The following ANKS1B variants were observed in gnomAD, a reference collection of about 807,000 sequenced individuals.
ANKS1B encodes the protein ankyrin repeat and sterile alpha motif domain-containing protein 1B.
In ANKS1B, 36 loss-of-function variants were observed where a neutral mutation model predicts 148.3. The ratio of observed to expected loss-of-function variants is 0.24; its 90% CI spans 0.19 to 0.32. The LOEUF (loss-of-function observed/expected upper bound fraction) is 0.32, where lower values mean the gene tolerates loss of function less well. Among genes scored for constraint, ANKS1B ranks in the 10% least tolerant of loss-of-function variants. ANKS1B has a pLI of 1.00. For missense variants in ANKS1B, 1,157 were observed against 1,542.6 expected (o/e 0.75, Z 4.19); for synonymous variants, 542 against 560.8 (o/e 0.97, Z 0.47).
intron 12 of ANKS1B, among the ~76,000 whole-genome samples, chr12:99,308,588 T>C (rs1243705320): frequency 6.6e-6 from 1 of 151,964 alleles, no homozygotes; most frequent in Admixed American, 6.6e-5. Context: ...TCCCATATTT[T>C]CAAGCTAATT....
intron 1 of ANKS1B, among the ~76,000 whole-genome samples, chr12:99,896,308 C>T (rs541679303): frequency 1.2e-4 from 18 of 151,238 alleles, no homozygotes; most frequent in African/African-American, 2.7e-4. Flanking sequence ...AGTTTCATTT[C>T]GTTTTGTTTT....
rs557549658 is a variant in ANKS1B, at chr12:99,609,846, A to G, written c.1272+45221T>C. Among the ~76,000 whole-genome samples the G allele has an allele frequency of 3.3e-5, 5 of 152,286 alleles. No individual in the cohort carries two copies. The East Asian group carries it at 9.7e-4, about 29-fold the overall frequency. Reference sequence around the variant, plus strand: ...TTTTCTCCTGCTAACCTGAATTTGGAAAGGAACAAATACAGATAAAATTTT... The same window carrying G: ...TTTTCTCCTGCTAACCTGAATTTGGGAAGGAACAAATACAGATAAAATTTT... On this transcript the variant is annotated intron_variant, in intron 9 of 26. Transcript: ENST00000683438.
chr12:99,773,045 T>C lies in ANKS1B; in HGVS notation c.1005A>G (p.Ile335Met). The C allele has an allele frequency of 6.2e-7, 1 of 1,610,814 alleles. No homozygotes were observed. Among genetic ancestry groups the C allele is most frequent in the South Asian group, 1.1e-5 (1 of 90,622 alleles). Residue 335 changes from isoleucine to methionine, a missense_variant, in exon 8 of 27, where the codon ATA becomes ATG. Coordinates refer to ENST00000683438, the MANE Select transcript of ANKS1B (RefSeq NM_001352186.2). ...AATAATCCTTTTCTTGACAGAGTTT[T>C]ATTTCATCCAAGAGTTTTGATAATT... ...TGELSKLLDEIKLCQEKDYSF... is the reference protein window; with the variant it reads ...TGELSKLLDEMKLCQEKDYSF...
At chr12:99,553,332 T>C (rs1000938872) in intron 9 of ANKS1B, among the ~76,000 whole-genome samples, 7 of 152,226 alleles carry the variant, frequency 4.6e-5, no homozygotes, top group Admixed American at 3.3e-4. Flanking sequence ...TGAAAGTTGA[T>C]ATTATTCAAT....
At chr12:98,782,970 G>A (rs913119832) in intron 22 of ANKS1B, among the ~76,000 whole-genome samples, 4 of 151,130 alleles carry the variant, frequency 2.6e-5, no homozygotes, top group African/African-American at 7.4e-5. Context: ...TTAAGGCAAC[G>A]CGGTGGCTGA....
intron 8 of ANKS1B, among the ~76,000 whole-genome samples, chr12:99,764,858 G>T (rs930051654): frequency 6.6e-6 from 1 of 152,192 alleles, no homozygotes; most frequent in Non-Finnish European, 1.5e-5. Flanking sequence ...TTGCAGTGAG[G>T]ACCAGGGCTA....
chr12:99,582,610 T>C (rs2097581635), intron 9 of ANKS1B, among the ~76,000 whole-genome samples: 1 of 152,156 alleles, frequency 6.6e-6, no homozygotes, highest in African/African-American at 2.4e-5. Context: ...CTGGTTCTAT[T>C]AGTATGTAAA....
intron 24 of ANKS1B, among the ~76,000 whole-genome samples, chr12:98,778,350 C>T (rs892391692): frequency 2.0e-5 from 3 of 152,144 alleles, no homozygotes; most frequent in African/African-American, 4.8e-5. Context: ...GTGGCACACA[C>T]CTGTAATCCC....
chr12:98,756,709 G>C (rs954442463), intron 25 of ANKS1B, among the ~76,000 whole-genome samples: 27 of 150,998 alleles, frequency 1.8e-4, no homozygotes, highest in Non-Finnish European at 3.1e-4. Context: ...CTGGGTGACA[G>C]AGCGAGACTC....
At chr12:99,283,120 TCA>T (rs1306573382) in intron 12 of ANKS1B, among the ~76,000 whole-genome samples, 5 of 152,190 alleles carry the variant, frequency 3.3e-5, no homozygotes, top group African/African-American at 1.2e-4. Flanking sequence ...TCTCCAGGTT[TCA>T]GTTTCCATAA....
chr12:99,338,395 C>T (rs1031087558), intron 12 of ANKS1B, among the ~76,000 whole-genome samples: 15 of 152,092 alleles, frequency 9.9e-5, no homozygotes, highest in African/African-American at 3.6e-4. Flanking sequence ...GTGAATGCTG[C>T]CAGGCCTGAG....
At chr12:99,048,393 C>T (rs986806309) in intron 17 of ANKS1B, among the ~76,000 whole-genome samples, 1 of 152,024 alleles carries the variant, frequency 6.6e-6, no homozygotes, top group Non-Finnish European at 1.5e-5. Context: ...GCCAAAATGC[C>T]TTGTTTATTG....
intron 12 of ANKS1B, among the ~76,000 whole-genome samples, chr12:99,265,445 A>T (rs2076355950): frequency 6.6e-6 from 1 of 152,120 alleles, no homozygotes; most frequent in Admixed American, 6.5e-5. Context: ...CCTGCTCTAG[A>T]ACATCTTGGG....
chr12:99,700,336 C>A (rs2054604346), intron 8 of ANKS1B, among the ~76,000 whole-genome samples: 1 of 152,140 alleles, frequency 6.6e-6, no homozygotes, highest in South Asian at 2.1e-4. Flanking sequence ...AGTTCCAAGA[C>A]CCCCAGTGAA....
chr12:99,074,300 A>T (rs957183733), intron 16 of ANKS1B, among the ~76,000 whole-genome samples: 1 of 151,884 alleles, frequency 6.6e-6, no homozygotes, highest in Non-Finnish European at 1.5e-5. Context: ...TCTGTGGTCT[A>T]CATAATAAAC....
At chr12:98,884,260 T>C (rs1042033136) in intron 17 of ANKS1B, among the ~76,000 whole-genome samples, 1 of 152,256 alleles carries the variant, frequency 6.6e-6, no homozygotes, top group Non-Finnish European at 1.5e-5. Flanking sequence ...ACATTTTCAC[T>C]AATTCATATC....
Position 99,037,282 on chromosome 12 carries a change from C to T in ANKS1B, c.2778+15875G>A, listed in dbSNP as rs1386241795. Among the ~76,000 whole-genome samples the T allele has an allele frequency of 2.0e-5, 3 of 152,046 alleles. No individual in the cohort carries two copies. The East Asian group carries it at 5.8e-4, about 29-fold the overall frequency. On this transcript the variant is annotated intron_variant, in intron 17 of 26. Transcript: ENST00000683438. ...CTGTAATCCCAGCACTTTGGGAGGC[C>T]GTGGTGGGCAGATCACGAGGTCAGG...
chr12:99,810,609 G>A (rs2068230444), intron 3 of ANKS1B, among the ~76,000 whole-genome samples: 2 of 151,848 alleles, frequency 1.3e-5, no homozygotes, highest in African/African-American at 4.8e-5. Flanking sequence ...AGCAACAGAG[G>A]TGAACAAAGG....
intron 17 of ANKS1B, among the ~76,000 whole-genome samples, chr12:98,908,077 G>A (rs2152820666): frequency 6.6e-6 from 1 of 152,254 alleles, no homozygotes; most frequent in South Asian, 2.1e-4. Context: ...CTCTGCATGA[G>A]TCTTTCACCC....
Sources: allele counts gnomAD v4.1 joint callset (sites outside exome capture counted in the v4.1 genomes callset), GRCh38; gene constraint gnomAD v4.1.1; transcripts MANE v1.5; gene names NCBI Gene and HGNC (gene_info 2026-07-23, HGNC 2026-07-21).